The following CPLANE1 variants were observed in gnomAD, a reference collection of about 807,000 sequenced individuals.
CPLANE1 encodes the protein ciliogenesis and planar polarity effector complex subunit 1, also known as ciliogenesis and planar polarity effector 1.
Under a neutral mutation model 362.5 loss-of-function variants are expected in CPLANE1, and 263 were observed. The ratio of observed to expected loss-of-function variants is 0.73; its 90% CI spans 0.66 to 0.80. CPLANE1 has a LOEUF of 0.80. Ranked by LOEUF, CPLANE1 falls within the 30% of genes least tolerant of loss-of-function variation. The pLI, the probability that CPLANE1 is intolerant of heterozygous loss-of-function variation, is 0.00. For synonymous variants in CPLANE1, 1,212 were observed against 1,302.6 expected, an observed-to-expected ratio of 0.93 and a Z score of 1.50; for missense variants, 3,461 against 3,793.4, an observed-to-expected ratio of 0.91 and a Z score of 2.30.
chr5:37,222,530 ACT>A (rs1440814116), intron 14 of CPLANE1, among the ~76,000 whole-genome samples: 1 of 152,050 alleles, frequency 6.6e-6, no homozygotes, highest in Non-Finnish European at 1.5e-5. Flanking sequence ...AAGGAAAGCC[ACT>A]CTTTCTCTGT....
chr5:37,123,753 T>C (rs1402999466), intron 47 of CPLANE1, among the ~76,000 whole-genome samples: 1 of 152,208 alleles, frequency 6.6e-6, no homozygotes, highest in Non-Finnish European at 1.5e-5. Flanking sequence ...CTTGAACTCC[T>C]GGCCTCAGGT....
In CPLANE1 at chr5:37,226,623, C is replaced by G. The variant is rs1269693917; in HGVS notation, c.1972G>C (p.Gly658Arg). 2 of 1,551,330 alleles carry G rather than the reference C, an allele frequency of 1.3e-6. No individual in the cohort carries two copies. The highest frequency in any genetic ancestry group is 2.0e-5 in the Admixed American group (1 of 50,974). ...YWDIRYKQDV[G>R]HLIKLTSNTV... ...TTTGAGGTCAGCTTTATCAAATGCC[C>G]CACATCTTGTTTGTATCTTATATCC... Residue 658 changes from glycine (G) to arginine (R), a missense_variant, in exon 12 of 53, where the codon GGG becomes CGG. Transcript: ENST00000651892.
Position 37,169,417 on chromosome 5 carries a change from G to A in CPLANE1, c.6607C>T (p.Pro2203Ser), listed in dbSNP as rs773750881. The change falls in exon 34 of 53, where the codon CCT becomes TCT. Residue 2203 changes from proline to serine, a missense_variant. Around this residue, in one of 2 missense-constraint regions of CPLANE1, gnomAD observed 3,380 missense variants for 3,666.1 expected, o/e 0.92. Coordinates refer to ENST00000651892, the MANE Select transcript of CPLANE1 (RefSeq NM_001384732.1). ...GNTHLYLLSTPSVVQKAPRLI... is the reference protein window; with the variant it reads ...GNTHLYLLSTSSVVQKAPRLI... Reference sequence around the variant, plus strand: ...CTAGGTGCCTTCTGAACAACAGAAGGTGTGGACAAAAGGTAGAGGTGAGTA... The same window carrying A: ...CTAGGTGCCTTCTGAACAACAGAAGATGTGGACAAAAGGTAGAGGTGAGTA... 1.2e-6 allele frequency: 2 copies of A among 1,614,182 alleles called. No homozygotes were observed.
intron 44 of CPLANE1, chr5:37,141,754 T>C (rs955683083): frequency 3.3e-5 from 32 of 981,494 alleles, no homozygotes; most frequent in Non-Finnish European, 3.8e-5. Context: ...GGACAAAGTA[T>C]ATTCATTAGG....
At chr5:37,172,840 G>T (rs1780169702) in intron 32 of CPLANE1, among the ~76,000 whole-genome samples, 1 of 152,072 alleles carries the variant, frequency 6.6e-6, no homozygotes, top group South Asian at 2.1e-4. Flanking sequence ...ATAAAAATTA[G>T]CCAGGCAAGG....
At position 37,210,418 on chromosome 5, in the gene CPLANE1, A is replaced by C; in HGVS notation, c.2920+3141T>G. ...CAAAAACTCAAGAATGAACTCCTAA[A>C]GTATCAACTTGAACTAAAGGACGAC... On this transcript the variant is annotated intron_variant, in intron 16 of 52. Coordinates refer to ENST00000651892, the MANE Select transcript of CPLANE1 (RefSeq NM_001384732.1). 3 of 994,524 alleles carry C rather than the reference A, an allele frequency of 3.0e-6. No homozygotes were observed. The East Asian group carries it at 7.1e-5, about 24-fold the overall frequency. The allele number at this position is 994,524 out of a possible 1,614,324, so 61.6% of individuals were successfully genotyped here. A position where few individuals can be genotyped will look rare whatever the true frequency, so the allele number is the denominator to read the frequency against.
chr5:37,224,196 G>C, intron 14 of CPLANE1, 57 bp downstream of exon 14: 1 of 1,168,920 alleles, frequency 8.6e-7, no homozygotes, highest in East Asian at 2.6e-5. Context: ...AAGGTCTACA[G>C]CAAGCTAAAA....
intron 46 of CPLANE1, among the ~76,000 whole-genome samples, chr5:37,132,014 ATTAAC>A (rs569450463): frequency 1.2e-3 from 178 of 152,342 alleles, no homozygotes; most frequent in African/African-American, 4.1e-3. Context: ...TAACACGATC[ATTAAC>A]TTAACAAAAC....
intron 21 of CPLANE1, among the ~76,000 whole-genome samples, chr5:37,188,749 T>C (rs964906576): frequency 2.0e-5 from 3 of 152,212 alleles, no homozygotes; most frequent in Admixed American, 1.3e-4. Context: ...AGCAAGACCA[T>C]CTCTGGAAAA....
At chr5:37,238,595 G>A (rs1476364741) in intron 8 of CPLANE1, among the ~76,000 whole-genome samples, 3 of 145,202 alleles carry the variant, frequency 2.1e-5, no homozygotes, top group Non-Finnish European at 4.5e-5. Context: ...CCCACGTTCA[G>A]GTGATACCCC....
At chr5:37,159,222 CT>C (rs1472077926) in intron 38 of CPLANE1, among the ~76,000 whole-genome samples, 8 of 147,858 alleles carry the variant, frequency 5.4e-5, no homozygotes, top group Non-Finnish European at 1.5e-5. Flanking sequence ...CGCCATTCTC[CT>C]GCCTCAGCCT....
the CPLANE1 span, among the ~76,000 whole-genome samples, chr5:37,081,313 T>C: frequency 6.1e-4 from 93 of 152,164 alleles, no homozygotes; most frequent in African/African-American, 2.2e-3. Flanking sequence ...TAAAGGAAAA[T>C]GTATGGTTCT....
chr5:37,150,541 C>G (rs886843312), intron 42 of CPLANE1, among the ~76,000 whole-genome samples: 8 of 151,622 alleles, frequency 5.3e-5, no homozygotes, highest in African/African-American at 9.8e-5. Context: ...CACACACACA[C>G]AACTCCTCCT....
At position 37,183,684 on chromosome 5, in the gene CPLANE1, G is replaced by A. The variant is rs377114029; in HGVS notation, c.4497C>T (p.His1499=). Residue 1499 remains histidine (H), a synonymous_variant, in exon 26 of 53, where the codon CAC becomes CAT. Transcript: ENST00000651892. ...GCTTATGAATTGATGTTAATTCCATGTGATTTGGGGCATTTCTATAGCAAA... is the reference window on the plus strand; with the variant it reads ...GCTTATGAATTGATGTTAATTCCATATGATTTGGGGCATTTCTATAGCAAA... ...INIYQRNAPN[H]MELTSIHKPT... The A allele has an allele frequency of 6.3e-7, 1 of 1,577,028 alleles. No homozygotes were observed. The highest frequency in any genetic ancestry group is 8.6e-7 in the Non-Finnish European group (1 of 1,166,294).
chr5:37,205,186 TATC>T (rs1790364910), intron 18 of CPLANE1, 126 bp downstream of exon 18: 1 of 599,788 alleles, frequency 1.7e-6, no homozygotes, highest in African/African-American at 1.9e-5. Flanking sequence ...TAAAAATAAA[TATC>T]ATACTTTCAT....
rs769114124 is a variant in CPLANE1, at chr5:37,107,788, T to G, written c.9580-10A>C. 37 of 1,587,526 alleles carry G rather than the reference T, an allele frequency of 2.3e-5. No homozygotes were observed. The highest frequency in any genetic ancestry group is 4.3e-6 in the Non-Finnish European group (5 of 1,164,926). On this transcript the variant is annotated splice_polypyrimidine_tract_variant and intron_variant, in intron 52 of 52. Coordinates refer to ENST00000651892, the MANE Select transcript of CPLANE1 (RefSeq NM_001384732.1). Reference sequence around the variant, plus strand: ...CAGTTGGAGACAAGTCCTATTAAATTGAAAAGACAATTGTGGTCCTAGCCC... The same window carrying G: ...CAGTTGGAGACAAGTCCTATTAAATGGAAAAGACAATTGTGGTCCTAGCCC...
At chr5:37,099,246 C>A in the CPLANE1 span, among the ~76,000 whole-genome samples, 15 of 152,142 alleles carry the variant, frequency 9.9e-5, 1 homozygote, top group Admixed American at 7.9e-4. Context: ...GATATTAAGC[C>A]CAGCATCCAT....
intron 45 of CPLANE1, 120 bp downstream of exon 45, chr5:37,139,220 T>C (rs1235368692): frequency 3.0e-6 from 3 of 989,964 alleles, no homozygotes; most frequent in East Asian, 3.1e-5. Context: ...AATGAAAACT[T>C]ATATTCCTTT....
intron 12 of CPLANE1, among the ~76,000 whole-genome samples, chr5:37,224,975 A>T (rs1293513770): frequency 6.7e-6 from 1 of 148,616 alleles, no homozygotes; most frequent in Non-Finnish European, 1.5e-5. Flanking sequence ...TTAAGACACA[A>T]GGTCTCACTA....
Sources: allele counts gnomAD v4.1 joint callset (sites outside exome capture counted in the v4.1 genomes callset), GRCh38; gene constraint gnomAD v4.1.1; regional missense constraint gnomAD v4.1.1; transcripts MANE v1.5; gene names NCBI Gene and HGNC (gene_info 2026-07-23, HGNC 2026-07-21).